Variants in TMEM120B observed in about 807,000 individuals in gnomAD.
The protein encoded by TMEM120B is transmembrane protein 120B.
TMEM120B carries 31 observed loss-of-function variants against 55.5 expected under a neutral mutation model. The ratio of observed to expected loss-of-function variants is 0.56; its 90% confidence interval spans 0.42 to 0.75. The LOEUF is 0.75. Among genes scored for constraint, TMEM120B ranks in the 30% least tolerant of loss-of-function variants. The pLI, the probability that TMEM120B is intolerant of heterozygous loss-of-function variation, is 0.00. For missense variants in TMEM120B, 399 were observed against 425.5 expected (o/e 0.94, Z 0.55); for synonymous variants, 203 against 176.3 (o/e 1.15, Z -1.20).
At chr12:121,746,375 C>G (rs559343670) in intron 2 of TMEM120B, among the ~76,000 whole-genome samples, 1 of 151,946 alleles carries the variant, frequency 6.6e-6, no homozygotes, top group Non-Finnish European at 1.5e-5. Flanking sequence ...TTAGTAGAGA[C>G]GGGGTTTCTC....
chr12:121,758,921 C>G (rs1324593252), intron 5 of TMEM120B: 35 of 984,772 alleles, frequency 3.6e-5, no homozygotes, highest in Non-Finnish European at 4.2e-5. Context: ...GTGCTGTGGT[C>G]ACCATGGAGG....
intron 9 of TMEM120B, among the ~76,000 whole-genome samples, chr12:121,773,870 C>T (rs1455080540): frequency 6.6e-6 from 1 of 151,624 alleles, no homozygotes; most frequent in African/African-American, 2.4e-5. Flanking sequence ...ACTCTGAAGC[C>T]ATAGGAGTGC....
intron 1 of TMEM120B, among the ~76,000 whole-genome samples, chr12:121,740,937 A>AT (rs2137113362): frequency 6.6e-6 from 1 of 152,262 alleles, no homozygotes; most frequent in South Asian, 2.1e-4. Context: ...TCTCTGTCAC[A>AT]ACTACTTGTT....
chr12:121,765,705 G>A lies in TMEM120B; in HGVS notation c.551+3967G>A, dbSNP rs1873824732. Among the ~76,000 whole-genome samples, 3 of 152,350 alleles carry A rather than the reference G, an allele frequency of 2.0e-5. No homozygotes were observed. The South Asian group carries it at 6.2e-4, about 32-fold the overall frequency. On this transcript the variant is annotated intron_variant, in intron 6 of 11. Coordinates refer to ENST00000449592, the MANE Select transcript of TMEM120B (RefSeq NM_001080825.2). ...GGCCAGCTTGTCGGGGAGGGAGCAA[G>A]GCAGGTGGGCTAAATCCGAGTGACT...
chr12:121,732,510 G>A (rs1895020121), intron 1 of TMEM120B, among the ~76,000 whole-genome samples: 1 of 152,102 alleles, frequency 6.6e-6, no homozygotes, highest in African/African-American at 2.4e-5. Flanking sequence ...GAAGGCCCAC[G>A]GATTAACCAT....
In TMEM120B at chr12:121,771,304, T is replaced by G. The variant is rs554908321; in HGVS notation, c.618-184T>G. Among the ~76,000 whole-genome samples the G allele has an allele frequency of 6.6e-5, 10 of 152,230 alleles. No individual in the cohort carries two copies. The East Asian group carries it at 1.9e-3, about 29-fold the overall frequency. ...GCTTCTGCACGGCCATGTGGACCCCTGTGCTTCTAGAAAGGAAGATGGGAT... is the reference window on the plus strand; with the variant it reads ...GCTTCTGCACGGCCATGTGGACCCCGGTGCTTCTAGAAAGGAAGATGGGAT... On this transcript the variant is annotated intron_variant, in intron 7 of 11. Transcript: ENST00000449592.
intron 1 of TMEM120B, among the ~76,000 whole-genome samples, chr12:121,725,288 G>A (rs1346002614): frequency 6.6e-6 from 1 of 152,148 alleles, no homozygotes; most frequent in Non-Finnish European, 1.5e-5. Context: ...ATTCGATGGT[G>A]GGAGTCAATC....
At chr12:121,718,136 CAAT>C (rs1230113655) in intron 1 of TMEM120B, among the ~76,000 whole-genome samples, 1 of 152,110 alleles carries the variant, frequency 6.6e-6, no homozygotes, top group African/African-American at 2.4e-5. Context: ...ATAACAACAA[CAAT>C]AACAATAATA....
chr12:121,775,226 G>A lies in TMEM120B; in HGVS notation c.906+96G>A. The stretch of plus-strand genomic sequence containing the variant: ...GTGGCATGCTGGGGTGCGGATTCCT[G>A]GGGAGGGCTGGGATGGCAGATGTGG... On this transcript the variant is annotated intron_variant, in intron 11 of 11. Transcript: ENST00000449592. The surrounding 1 kb of genome is among the most constrained non-coding windows in gnomAD (Gnocchi z 4.3). 1.6e-6 allele frequency: 2 copies of A among 1,242,362 alleles called. No individual in the cohort carries two copies. The highest frequency in any genetic ancestry group is 3.2e-5 in the East Asian group (1 of 31,646). The allele number at this position is 1,242,362 out of a possible 1,614,324, so 77.0% of individuals were successfully genotyped here.
chr12:121,748,762 G>T (rs58274150), intron 3 of TMEM120B, among the ~76,000 whole-genome samples: 13,281 of 152,214 alleles, frequency 0.087, 1,053 homozygotes, highest in African/African-American at 0.21. Context: ...CCTCCTGCAC[G>T]CTCAGAGCTG....
Position 121,781,354 on chromosome 12 carries a change from G to A in TMEM120B, c.*5632G>A, listed in dbSNP as rs1044981101. 5 of 628,434 alleles carry A rather than the reference G, an allele frequency of 8.0e-6. No individual in the cohort carries two copies. The highest frequency in any genetic ancestry group is 5.5e-5 in the African/African-American group (3 of 54,300). The allele number at this position is 628,434 out of a possible 1,614,324, so 38.9% of individuals were successfully genotyped here. On this transcript the variant is annotated 3_prime_UTR_variant, in exon 12 of 12. Coordinates refer to ENST00000449592, the MANE Select transcript of TMEM120B (RefSeq NM_001080825.2). ...GGAGTGCTGGCACAGGCCTGTGGTC[G>A]CAGCTACTCGGGAGGCTGAGGCCGG...
intron 1 of TMEM120B, among the ~76,000 whole-genome samples, chr12:121,722,426 A>G (rs1430782541): frequency 6.6e-6 from 1 of 152,176 alleles, no homozygotes; most frequent in African/African-American, 2.4e-5. Flanking sequence ...AGTAATACAT[A>G]TTCACACAGT....
intron 5 of TMEM120B, among the ~76,000 whole-genome samples, chr12:121,753,247 C>T (rs1873382627): frequency 1.3e-5 from 2 of 152,020 alleles, no homozygotes; most frequent in African/African-American, 4.8e-5. Context: ...TGAGAACTGC[C>T]CAGAACAGGC....
At chr12:121,717,655 G>A (rs112381074) in intron 1 of TMEM120B, among the ~76,000 whole-genome samples, 1,835 of 152,142 alleles carry the variant, frequency 0.012, 30 homozygotes, top group African/African-American at 0.036. Context: ...CTTGTGGGGC[G>A]TCTTTCTTTC....
At chr12:121,713,018 G>T (rs1272554360) in intron 1 of TMEM120B, 54 bp downstream of exon 1, 5 of 1,436,642 alleles carry the variant, frequency 3.5e-6, no homozygotes, top group Non-Finnish European at 3.7e-6. Context: ...GCAGCGCCTT[G>T]CCCTTCCTGA....
chr12:121,720,928 C>T (rs865936864), intron 1 of TMEM120B, among the ~76,000 whole-genome samples: 1 of 152,128 alleles, frequency 6.6e-6, no homozygotes, highest in Non-Finnish European at 1.5e-5. Context: ...CTGGATCTTC[C>T]GACAGCCAAG....
intron 1 of TMEM120B, among the ~76,000 whole-genome samples, chr12:121,718,959 T>C (rs923704375): frequency 6.6e-6 from 1 of 152,172 alleles, no homozygotes; most frequent in African/African-American, 2.4e-5. Flanking sequence ...GTGGCAAAGA[T>C]GGCCAGGTGG....
At chr12:121,721,804 C>T (rs1448326663) in intron 1 of TMEM120B, among the ~76,000 whole-genome samples, 45 of 91,832 alleles carry the variant, frequency 4.9e-4, no homozygotes, top group South Asian at 7.7e-4. Flanking sequence ...ATCAGTTCTA[C>T]TTTTTTTTTT....
intron 1 of TMEM120B, among the ~76,000 whole-genome samples, chr12:121,737,101 C>T (rs1486416394): frequency 6.6e-6 from 1 of 152,106 alleles, no homozygotes; most frequent in African/African-American, 2.4e-5. Flanking sequence ...GTCAATTCTG[C>T]CATATTCTAT....
Sources: gnomAD v4.1 joint callset for allele counts (sites outside exome capture counted in the v4.1 genomes callset) on GRCh38, gnomAD v4.1.1 for gene constraint, Gnocchi (gnomAD v3.1) non-coding constraint, MANE v1.5 for transcripts, NCBI Gene and HGNC (gene_info 2026-07-23, HGNC 2026-07-21) for gene names.